Variants in CHRM2 observed in about 807,000 individuals in gnomAD.
CHRM2 encodes muscarinic acetylcholine receptor M2.
In CHRM2, 8 loss-of-function variants were observed where a neutral mutation model predicts 25.0. That is an observed-to-expected ratio of 0.32 (90% CI 0.19 to 0.58). The LOEUF is 0.58. CHRM2 is among the 20% of genes least tolerant of loss of function. The pLI, the probability that CHRM2 is intolerant of heterozygous loss-of-function variation, is 0.88. For missense variants in CHRM2, 440 were observed against 567.1 expected (o/e 0.78, Z 2.28); for synonymous variants, 202 against 205.7 (o/e 0.98, Z 0.15).
intron 2 of CHRM2, among the ~76,000 whole-genome samples, chr7:136,881,940 G>C (rs1279214641): frequency 2.0e-5 from 3 of 152,006 alleles, no homozygotes; most frequent in Non-Finnish European, 2.9e-5. Context: ...AAACCTAGTT[G>C]AAAGACCATT....
At chr7:136,901,015 A>G (rs1797174025) in intron 2 of CHRM2, among the ~76,000 whole-genome samples, 1 of 152,118 alleles carries the variant, frequency 6.6e-6, no homozygotes, top group Non-Finnish European at 1.5e-5. Context: ...TAATTTTTCC[A>G]TGATTATGTA....
intron 2 of CHRM2, chr7:136,938,162 C>G: frequency 1.4e-6 from 1 of 690,956 alleles, no homozygotes. Context: ...TGAATACTAT[C>G]TCTGCCCACT....
At chr7:137,008,510 T>C (rs940628104) in intron 3 of CHRM2, among the ~76,000 whole-genome samples, 9 of 152,084 alleles carry the variant, frequency 5.9e-5, no homozygotes, top group East Asian at 3.9e-4. Flanking sequence ...TGAGCCAACA[T>C]TGATAAGGCT....
At chr7:136,938,894 T>A (rs1584789819) in intron 2 of CHRM2, among the ~76,000 whole-genome samples, 2 of 72,042 alleles carry the variant, frequency 2.8e-5, no homozygotes, top group South Asian at 4.4e-4. Flanking sequence ...TGGTCCAAAA[T>A]AAAACTTCAG....
intron 2 of CHRM2, among the ~76,000 whole-genome samples, chr7:136,967,176 T>C (rs1801472942): frequency 6.6e-6 from 1 of 152,022 alleles, no homozygotes; most frequent in African/African-American, 2.4e-5. Context: ...CCTGCATGGA[T>C]AGCACTGTGG....
intron 2 of CHRM2, among the ~76,000 whole-genome samples, chr7:136,933,486 T>C (rs781708529): frequency 6.6e-6 from 1 of 152,172 alleles, no homozygotes; most frequent in Non-Finnish European, 1.5e-5. Flanking sequence ...TTGATAAGAA[T>C]GAATAAAGTT....
chr7:136,920,258 G>A (rs879791738), intron 2 of CHRM2, among the ~76,000 whole-genome samples: 3 of 152,102 alleles, frequency 2.0e-5, no homozygotes, highest in Non-Finnish European at 4.4e-5. Flanking sequence ...AGTTATGATA[G>A]TGAAACATTT....
intron 2 of CHRM2, chr7:136,950,897 C>G (rs1283524001): frequency 6.6e-6 from 1 of 152,274 alleles, no homozygotes; most frequent in East Asian, 1.9e-4. Context: ...CTCACTGCAG[C>G]CTGGGCTCAA....
chr7:136,905,820 C>T (rs1797505614), intron 2 of CHRM2, among the ~76,000 whole-genome samples: 1 of 151,366 alleles, frequency 6.6e-6, no homozygotes, highest in Non-Finnish European at 1.5e-5. Context: ...TCAACTTTCT[C>T]AAAATATTGA....
chr7:136,931,941 G>A (rs557251048), intron 2 of CHRM2, among the ~76,000 whole-genome samples: 2 of 152,328 alleles, frequency 1.3e-5, no homozygotes, highest in East Asian at 1.9e-4. Flanking sequence ...GTTATATTCT[G>A]TGTAGTCGTG....
chr7:136,888,309 C>G (rs555267204), intron 2 of CHRM2, among the ~76,000 whole-genome samples: 9 of 152,144 alleles, frequency 5.9e-5, no homozygotes, highest in African/African-American at 1.4e-4. Context: ...GTCTGCTAAA[C>G]GTACATGTCC....
intron 3 of CHRM2, among the ~76,000 whole-genome samples, chr7:136,995,765 C>T (rs1803556809): frequency 6.6e-6 from 1 of 151,250 alleles, no homozygotes; most frequent in African/African-American, 2.4e-5. Context: ...GAACCTGTCT[C>T]TAAATAAATA....
At chr7:136,947,966 C>G (rs1339770913) in intron 2 of CHRM2, among the ~76,000 whole-genome samples, 1 of 152,084 alleles carries the variant, frequency 6.6e-6, no homozygotes, top group African/African-American at 2.4e-5. Flanking sequence ...TTTGAAATGG[C>G]TATTGAGGGA....
intron 2 of CHRM2, among the ~76,000 whole-genome samples, chr7:136,962,361 C>T (rs891856043): frequency 1.3e-5 from 2 of 152,130 alleles, no homozygotes; most frequent in South Asian, 4.1e-4. Flanking sequence ...TCTCGAACTC[C>T]TGGCCTCAAG....
At chr7:136,961,989 A>G (rs1182173156) in intron 2 of CHRM2, among the ~76,000 whole-genome samples, 2 of 152,164 alleles carry the variant, frequency 1.3e-5, no homozygotes, top group Non-Finnish European at 1.5e-5. Flanking sequence ...GGGCACAAAC[A>G]TAAAAATAGC....
intron 3 of CHRM2, among the ~76,000 whole-genome samples, chr7:137,008,048 C>A (rs1563123159): frequency 2.0e-5 from 3 of 151,958 alleles, no homozygotes; most frequent in African/African-American, 7.2e-5. Flanking sequence ...GGATTATATA[C>A]CTGAATGGTC....
intron 2 of CHRM2, among the ~76,000 whole-genome samples, chr7:136,960,822 G>C (rs1354272053): frequency 1.3e-5 from 2 of 152,176 alleles, no homozygotes; most frequent in East Asian, 1.9e-4. Context: ...TTTTGTGATG[G>C]ATATGAAAGC....
intron 2 of CHRM2, among the ~76,000 whole-genome samples, chr7:136,894,052 C>A (rs570013259): frequency 2.6e-5 from 4 of 152,258 alleles, no homozygotes; most frequent in Admixed American, 2.6e-4. Context: ...TCACCAAAAT[C>A]CTTTTTGACT....
intron 2 of CHRM2, among the ~76,000 whole-genome samples, chr7:136,959,395 G>A (rs898163702): frequency 1.3e-5 from 2 of 152,196 alleles, no homozygotes; most frequent in Non-Finnish European, 2.9e-5. Context: ...CCTGAGACAT[G>A]TGGATACCAA....
Sources: gnomAD v4.1 joint callset for allele counts (sites outside exome capture counted in the v4.1 genomes callset) on GRCh38, gnomAD v4.1.1 for gene constraint, MANE v1.5 for transcripts, NCBI Gene and HGNC (gene_info 2026-07-23, HGNC 2026-07-21) for gene names.